Variants in NELL1 observed in about 807,000 individuals in gnomAD.
NELL1 encodes neural EGFL like 1.
A neutral mutation model predicts 107.4 loss-of-function variants in NELL1; 76 were observed. The observed-to-expected ratio is 0.71, with a 90% CI of 0.59 to 0.86. The LOEUF (loss-of-function observed/expected upper bound fraction) is 0.86. Among genes scored for constraint, NELL1 ranks in the 40% least tolerant of loss-of-function variants. The pLI, the probability that NELL1 is intolerant of heterozygous loss-of-function variation, is 0.00. For missense variants in NELL1, 1,024 were observed against 1,005.5 expected, an observed-to-expected ratio of 1.02 and a Z score of -0.25; for synonymous variants, 353 against 341.2, an observed-to-expected ratio of 1.03 and a Z score of -0.38.
At chr11:21,336,674 T>TATACACACACACAC (rs55720144) in intron 14 of NELL1, among the ~76,000 whole-genome samples, 1 of 130,526 alleles carries the variant, frequency 7.7e-6, no homozygotes, top group Non-Finnish European at 1.6e-5. Flanking sequence ...TATATATATA[T>TATACACACACACAC]ACACACACAC....
intron 2 of NELL1, among the ~76,000 whole-genome samples, chr11:20,779,451 C>T (rs769304444): frequency 2.3e-4 from 35 of 152,080 alleles, no homozygotes; most frequent in Admixed American, 4.6e-4. Flanking sequence ...TTTATCTGTC[C>T]CATTTGTTTT....
At chr11:21,231,443 G>T (rs992207912) in intron 14 of NELL1, among the ~76,000 whole-genome samples, 1 of 152,104 alleles carries the variant, frequency 6.6e-6, no homozygotes, top group African/African-American at 2.4e-5. Context: ...TTTTTTAAAA[G>T]GCTAAGGAAA....
intron 2 of NELL1, among the ~76,000 whole-genome samples, chr11:20,688,443 A>G (rs1172555654): frequency 2.6e-5 from 4 of 152,012 alleles, no homozygotes; most frequent in African/African-American, 9.7e-5. Context: ...TGTTTATCCA[A>G]TGTTTAGCTC....
At chr11:21,111,384 C>T (rs1855103883) in intron 12 of NELL1, among the ~76,000 whole-genome samples, 1 of 152,134 alleles carries the variant, frequency 6.6e-6, no homozygotes, top group Admixed American at 6.5e-5. Context: ...TCCCTACCTT[C>T]ATTCTCTACC....
At chr11:20,906,155 A>G (rs977571003) in intron 5 of NELL1, among the ~76,000 whole-genome samples, 2 of 152,148 alleles carry the variant, frequency 1.3e-5, no homozygotes, top group Admixed American at 1.3e-4. Context: ...GGTCATTACT[A>G]CTGACCTTAC....
chr11:21,492,963 GC>G (rs1854868967), intron 15 of NELL1, among the ~76,000 whole-genome samples: 1 of 151,862 alleles, frequency 6.6e-6, no homozygotes, highest in Admixed American at 6.6e-5. Context: ...CATACAAATG[GC>G]CAAGAGATGT....
At chr11:20,824,996 A>C (rs1857847961) in intron 3 of NELL1, among the ~76,000 whole-genome samples, 1 of 151,318 alleles carries the variant, frequency 6.6e-6, no homozygotes, top group Non-Finnish European at 1.5e-5. Flanking sequence ...CACTCCCATC[A>C]CAGGTCCAGA....
chr11:20,720,357 G>A (rs144045749), intron 2 of NELL1, among the ~76,000 whole-genome samples: 1,989 of 152,078 alleles, frequency 0.013, 19 homozygotes, highest in Non-Finnish European at 0.02. Context: ...ACAGGCGTGC[G>A]CCACCATACA....
intron 4 of NELL1, among the ~76,000 whole-genome samples, chr11:20,863,043 C>T (rs1849009793): frequency 6.6e-6 from 1 of 152,180 alleles, no homozygotes; most frequent in South Asian, 2.1e-4. Flanking sequence ...TCTCTTTTGC[C>T]CACCTTTCCC....
chr11:21,128,532 C>G (rs1336114762), intron 13 of NELL1, among the ~76,000 whole-genome samples: 1 of 152,096 alleles, frequency 6.6e-6, no homozygotes, highest in Non-Finnish European at 1.5e-5. Flanking sequence ...AGAAATGTGC[C>G]TGGAGAAATC....
chr11:21,391,948 G>T (rs2133784395), intron 15 of NELL1, among the ~76,000 whole-genome samples: 1 of 151,906 alleles, frequency 6.6e-6, no homozygotes, highest in Admixed American at 6.6e-5. Flanking sequence ...GAACCATTCA[G>T]ATCTTGTAGG....
chr11:21,019,613 A>G (rs1394265971), intron 12 of NELL1, among the ~76,000 whole-genome samples: 1 of 152,064 alleles, frequency 6.6e-6, no homozygotes, highest in Non-Finnish European at 1.5e-5. Flanking sequence ...TGCTCCTGGC[A>G]TCTGATGGGT....
chr11:21,105,483 C>G (rs1194098787), intron 12 of NELL1, among the ~76,000 whole-genome samples: 5 of 152,106 alleles, frequency 3.3e-5, no homozygotes, highest in Admixed American at 3.3e-4. Flanking sequence ...GCCATGTTGC[C>G]TGCTCCCTAC....
At chr11:21,058,797 A>C (rs539323276) in intron 12 of NELL1, among the ~76,000 whole-genome samples, 1 of 152,138 alleles carries the variant, frequency 6.6e-6, no homozygotes, top group Non-Finnish European at 1.5e-5. Flanking sequence ...AATTTTGATG[A>C]GGGCACTTGG....
intron 2 of NELL1, among the ~76,000 whole-genome samples, chr11:20,717,767 T>C (rs1011701610): frequency 1.3e-5 from 2 of 152,194 alleles, no homozygotes; most frequent in Non-Finnish European, 2.9e-5. Flanking sequence ...AATTACATAT[T>C]TTTTTGGTCT....
intron 15 of NELL1, among the ~76,000 whole-genome samples, chr11:21,408,459 T>C (rs1852286689): frequency 6.6e-6 from 1 of 152,090 alleles, no homozygotes; most frequent in Non-Finnish European, 1.5e-5. Context: ...TGAGTTCTTT[T>C]GCTATAGTTT....
At chr11:20,961,813 A>G (rs1399240481) in intron 12 of NELL1, among the ~76,000 whole-genome samples, 1 of 151,540 alleles carries the variant, frequency 6.6e-6, no homozygotes, top group East Asian at 2.0e-4. Context: ...TTGGGTATAC[A>G]CAGGGGCCTA....
intron 10 of NELL1, among the ~76,000 whole-genome samples, chr11:20,944,236 C>G (rs1182524093): frequency 6.6e-6 from 1 of 152,030 alleles, no homozygotes; most frequent in Non-Finnish European, 1.5e-5. Flanking sequence ...TTTCATTTTC[C>G]TGGGATCATT....
At chr11:21,238,170 A>G (rs1858259111) in intron 14 of NELL1, among the ~76,000 whole-genome samples, 1 of 152,062 alleles carries the variant, frequency 6.6e-6, no homozygotes, top group Admixed American at 6.6e-5. Flanking sequence ...AGATAAAACA[A>G]TCTTAAGTAT....
Sources: allele counts gnomAD v4.1 joint callset (sites outside exome capture counted in the v4.1 genomes callset), GRCh38; gene constraint gnomAD v4.1.1; transcripts MANE v1.5; gene names NCBI Gene and HGNC (gene_info 2026-07-23, HGNC 2026-07-21).